LRRC4B: variants seen among roughly 807,000 people sequenced by gnomAD.
The protein encoded by LRRC4B is leucine-rich repeat-containing protein 4B.
LRRC4B carries 1 observed loss-of-function variant against 7.3 expected under a neutral mutation model. That is an observed-to-expected ratio of 0.14 (90% confidence interval 0.05 to 0.65). The LOEUF is 0.65. Ranked by LOEUF, LRRC4B falls within the 30% of genes least tolerant of loss-of-function variation. LRRC4B has a pLI of 0.84. For missense variants in LRRC4B, 730 were observed against 1,041.6 expected (o/e 0.70, Z 4.12); for synonymous variants, 500 against 499.2 (o/e 1.00, Z -0.02).
Position 50,548,902 on chromosome 19 carries a change from G to A in LRRC4B, c.-35-29C>T. The A allele has an allele frequency of 1.8e-6, 2 of 1,120,192 alleles. No homozygotes were observed. Among genetic ancestry groups the A allele is most frequent in the Non-Finnish European group, 2.5e-6 (2 of 813,360 alleles). The allele number at this position is 1,120,192 out of a possible 1,614,324, so 69.4% of individuals were successfully genotyped here. On this transcript the variant is annotated intron_variant, in intron 1 of 2. Transcript: ENST00000652263. The surrounding 1 kb of genome is among the most constrained non-coding windows in gnomAD (Gnocchi z 6.8). ...TGGGTGGGGGAGAGAAGGGGGAGAG[G>A]CTTGGTGAGGGACAGGAGCCCATGT...
intron 2 of LRRC4B, among the ~76,000 whole-genome samples, chr19:50,529,075 A>G (rs1980941585): frequency 6.6e-6 from 1 of 152,122 alleles, no homozygotes; most frequent in Admixed American, 6.6e-5. Context: ...ACCCCCCCAG[A>G]GCTTGCATTT....
intron 1 of LRRC4B, among the ~76,000 whole-genome samples, chr19:50,565,650 C>A (rs534663184): frequency 6.6e-6 from 1 of 151,658 alleles, no homozygotes; most frequent in African/African-American, 2.4e-5. Context: ...ACTTGGGGTC[C>A]CTCTGACAAG....
chr19:50,536,346 C>T (rs1333765054), intron 2 of LRRC4B, among the ~76,000 whole-genome samples: 3 of 152,128 alleles, frequency 2.0e-5, no homozygotes, highest in Non-Finnish European at 4.4e-5. Context: ...GTTGGTCAGG[C>T]TGGTCTCAAG....
Position 50,517,667 on chromosome 19 carries a change from G to GC in LRRC4B, c.2045dup (p.Cys683LeufsTer55). The GC allele has an allele frequency of 6.6e-7, 1 of 1,521,850 alleles. No homozygotes were observed. Among genetic ancestry groups the GC allele is most frequent in the Non-Finnish European group, 8.8e-7 (1 of 1,138,474 alleles). The allele number at this position is 1,521,850 out of a possible 1,614,324, so 94.3% of individuals were successfully genotyped here. A position where few individuals can be genotyped will look rare whatever the true frequency, so the allele number is the denominator to read the frequency against. On this transcript the variant is annotated frameshift_variant, in exon 3 of 3. Transcript: ENST00000652263. LOFTEE classifies it low-confidence loss of function (END_TRUNC). This position sits in a 1 kb window ranked among gnomAD's most constrained non-coding sequence, Gnocchi z 6.6. Reference sequence around the variant, plus strand: ...GGCCAGGCGGGCCTTTGCCCCCGCAGCCCCCGCCGCTGGGGTTGCTGCTGT... The same window carrying GC: ...GGCCAGGCGGGCCTTTGCCCCCGCAGCCCCCCGCCGCTGGGGTTGCTGCTGT...
At position 50,555,234 on chromosome 19, in the gene LRRC4B, G is replaced by A. The variant is rs1461165213; in HGVS notation, c.-35-6361C>T. The A allele has an allele frequency of 6.6e-6, 1 of 152,516 alleles. No homozygotes were observed. The highest frequency in any genetic ancestry group is 1.5e-5 in the Non-Finnish European group (1 of 68,260). 9.4% of individuals were successfully genotyped at this position (152,516 alleles called of 1,614,324 possible). On this transcript the variant is annotated intron_variant, in intron 1 of 2. Transcript: ENST00000652263. The surrounding 1 kb of genome is among the most constrained non-coding windows in gnomAD (Gnocchi z 5.2). The stretch of plus-strand genomic sequence containing the variant: ...CTTGTGCCCATTTTACAGATTCAGA[G>A]GTGAGCGGCACTTGCCAAAGGTTAC...
At chr19:50,531,171 G>C (rs1453511789) in intron 2 of LRRC4B, among the ~76,000 whole-genome samples, 1 of 152,204 alleles carries the variant, frequency 6.6e-6, no homozygotes, top group Non-Finnish European at 1.5e-5. Flanking sequence ...GCAGCTCCCG[G>C]AGCCTCTGCG....
chr19:50,546,252 T>C (rs1981799447), intron 2 of LRRC4B, among the ~76,000 whole-genome samples: 1 of 152,072 alleles, frequency 6.6e-6, no homozygotes, highest in Non-Finnish European at 1.5e-5. Context: ...GAAGACTCGC[T>C]TGAACCCGGG....
intron 2 of LRRC4B, among the ~76,000 whole-genome samples, chr19:50,529,319 A>G (rs1568721134): frequency 6.6e-6 from 1 of 152,064 alleles, no homozygotes; most frequent in Non-Finnish European, 1.5e-5. Flanking sequence ...AGTTTTCCCA[A>G]ACATAATACA....
At position 50,548,835 on chromosome 19, in the gene LRRC4B, C is replaced by T. The variant is rs1012448244; in HGVS notation, c.4G>A (p.Ala2Thr). The T allele has an allele frequency of 6.8e-7, 1 of 1,476,200 alleles. No individual in the cohort carries two copies. Among genetic ancestry groups the T allele is most frequent in the South Asian group, 1.4e-5 (1 of 74,002 alleles). The allele number at this position is 1,476,200 out of a possible 1,614,324, so 91.4% of individuals were successfully genotyped here. A position where few individuals can be genotyped will look rare whatever the true frequency, so the allele number is the denominator to read the frequency against. The change falls in exon 2 of 3, where the codon GCG becomes ACG. Residue 2 changes from alanine to threonine, a missense_variant. Around this residue, in one of 6 missense-constraint regions of LRRC4B, gnomAD observed 143 missense variants for 158.4 expected, o/e 0.90. Transcript: ENST00000652263. This position sits in a 1 kb window ranked among gnomAD's most constrained non-coding sequence, Gnocchi z 6.8. ...GGGCACGGGGAGCCGCGGGCACGCG[C>T]CATCCTCAATGTTCATGCTCCGCGT... M[A>T]RARGSPCPPL...
At chr19:50,554,496 C>T (rs1243526723) in intron 1 of LRRC4B, among the ~76,000 whole-genome samples, 1 of 152,162 alleles carries the variant, frequency 6.6e-6, no homozygotes, top group Non-Finnish European at 1.5e-5. Flanking sequence ...ATACCACCTG[C>T]GTGAGCTACA....
chr19:50,546,232 G>C (rs1231477001), intron 2 of LRRC4B, among the ~76,000 whole-genome samples: 1 of 152,076 alleles, frequency 6.6e-6, no homozygotes, highest in Non-Finnish European at 1.5e-5. Context: ...CTACTCAAGA[G>C]ACTGAGGCGG....
chr19:50,567,761 C>T (rs959497681), intron 1 of LRRC4B, among the ~76,000 whole-genome samples, 183 bp downstream of exon 1: 1 of 146,066 alleles, frequency 6.8e-6, no homozygotes, highest in African/African-American at 2.5e-5. Context: ...AACCCCCACC[C>T]AGTCGCCTCC....
At chr19:50,538,862 C>CCCGGCCAGGTTTTGT (rs1297773247) in intron 2 of LRRC4B, among the ~76,000 whole-genome samples, 1 of 150,640 alleles carries the variant, frequency 6.6e-6, no homozygotes, top group Non-Finnish European at 1.5e-5. Context: ...AGCCACCGTG[C>CCCGGCCAGGTTTTGT]TGGGATTACA....
intron 1 of LRRC4B, among the ~76,000 whole-genome samples, chr19:50,566,585 G>T (rs1182402885): frequency 6.6e-6 from 1 of 151,144 alleles, no homozygotes; most frequent in Non-Finnish European, 1.5e-5. Flanking sequence ...GGGGTGGAGG[G>T]GTGGGCAAGA....
At chr19:50,540,182 G>A (rs1981479135) in intron 2 of LRRC4B, among the ~76,000 whole-genome samples, 1 of 151,932 alleles carries the variant, frequency 6.6e-6, no homozygotes, top group African/African-American at 2.4e-5. Context: ...ATTGTAATGG[G>A]CACAGTGATT....
At chr19:50,549,388 C>A (rs1820294777) in intron 1 of LRRC4B, among the ~76,000 whole-genome samples, 1 of 152,126 alleles carries the variant, frequency 6.6e-6, no homozygotes. Context: ...AGGTGGGTCC[C>A]AGCCTCCTCT....
chr19:50,521,734 A>G (rs1428178513), intron 2 of LRRC4B, among the ~76,000 whole-genome samples: 1 of 145,042 alleles, frequency 6.9e-6, no homozygotes, highest in Non-Finnish European at 1.5e-5. Context: ...CCAATTTTGT[A>G]TTTTTAGTAG....
At chr19:50,527,040 T>C (rs1459594477) in intron 2 of LRRC4B, among the ~76,000 whole-genome samples, 1 of 150,234 alleles carries the variant, frequency 6.7e-6, no homozygotes, top group Non-Finnish European at 1.5e-5. Flanking sequence ...TTTTGTATTT[T>C]TTTTTTTTTT....
rs1982182846 is a variant in LRRC4B at position 50,553,842 on chromosome 19, C to A, written c.-35-4969G>T. 6.6e-6 allele frequency among the ~76,000 whole-genome samples: 1 copy of A among 152,110 alleles called. No homozygotes were observed. Among genetic ancestry groups the A allele is most frequent in the South Asian group, 2.1e-4 (1 of 4,812 alleles). On this transcript the variant is annotated intron_variant, in intron 1 of 2. Transcript: ENST00000652263. This position sits in a 1 kb window ranked among gnomAD's most constrained non-coding sequence, Gnocchi z 4.2. ...TCATCACTGTGAGTCTATTTCCCCC[C>A]ACGCTCACACACAGATACCCCCACT...
Sources: gnomAD v4.1 joint callset for allele counts (sites outside exome capture counted in the v4.1 genomes callset) on GRCh38, gnomAD v4.1.1 for gene constraint, gnomAD v4.1.1 regional missense constraint, Gnocchi (gnomAD v3.1) non-coding constraint, MANE v1.5 for transcripts, NCBI Gene and HGNC (gene_info 2026-07-23, HGNC 2026-07-21) for gene names.